Variants in SLC10A7 observed in about 807,000 individuals in gnomAD.
SLC10A7 encodes the protein sodium/bile acid cotransporter 7.
A neutral mutation model predicts 43.2 loss-of-function variants in SLC10A7; 29 were observed. The observed-to-expected ratio is 0.67, with a 90% CI of 0.50 to 0.92. The LOEUF (loss-of-function observed/expected upper bound fraction) is 0.92. Ranked by LOEUF, SLC10A7 falls within the 40% of genes least tolerant of loss-of-function variation. The probability of loss-of-function intolerance (pLI) is 0.00; values close to 1 mark genes in which losing one functional copy is unlikely to be tolerated. For synonymous variants in SLC10A7, 152 were observed against 144.8 expected, an observed-to-expected ratio of 1.05 and a Z score of -0.35; for missense variants, 295 against 403.2, an observed-to-expected ratio of 0.73 and a Z score of 2.30.
At chr4:146,472,790 C>T (rs1265728807) in intron 4 of SLC10A7, among the ~76,000 whole-genome samples, 1 of 152,186 alleles carries the variant, frequency 6.6e-6, no homozygotes, top group Non-Finnish European at 1.5e-5. Context: ...GTTTAATGTA[C>T]CCAATGCATT....
intron 5 of SLC10A7, among the ~76,000 whole-genome samples, chr4:146,402,293 G>C (rs1739277802): frequency 6.6e-6 from 1 of 152,158 alleles, no homozygotes; most frequent in Admixed American, 6.5e-5. Flanking sequence ...CAGCACCACA[G>C]GATGTATGCT....
At chr4:146,338,335 T>A (rs10013722) in intron 5 of SLC10A7, among the ~76,000 whole-genome samples, 2 of 151,814 alleles carry the variant, frequency 1.3e-5, no homozygotes, top group Non-Finnish European at 2.9e-5. Flanking sequence ...CATTTGGTCC[T>A]CACAACAAAC....
At chr4:146,312,298 G>A (rs1030235876) in intron 6 of SLC10A7, among the ~76,000 whole-genome samples, 3 of 151,678 alleles carry the variant, frequency 2.0e-5, no homozygotes, top group Admixed American at 2.0e-4. Flanking sequence ...GTTTTATTGA[G>A]GTATAATTGA....
chr4:146,385,845 T>C (rs1737954633), intron 5 of SLC10A7, among the ~76,000 whole-genome samples: 1 of 152,198 alleles, frequency 6.6e-6, no homozygotes, highest in African/African-American at 2.4e-5. Context: ...AGTGAGAACA[T>C]GCAGTATTTG....
At position 146,275,780 on chromosome 4, in the gene SLC10A7, GT is replaced by G. The variant is rs773001811; in HGVS notation, c.847+7411del. 7.8e-3 allele frequency among the ~76,000 whole-genome samples: 1,113 copies of G among 142,802 alleles called. 4 individuals carry two copies. The highest frequency in any genetic ancestry group is 0.016 in the African/African-American group (615 of 39,304). The allele number at this position is 142,802 out of a possible 152,430, so 93.7% of individuals were successfully genotyped here. On this transcript the variant is annotated intron_variant, in intron 10 of 11. Coordinates refer to ENST00000335472, the MANE Select transcript of SLC10A7 (RefSeq NM_001029998.6). ...AAAGTAAGTTGTTGCCCCCATAGAA[GT>G]TTTTTTTTTTTTTTAAACTCAACAT...
At chr4:146,415,789 A>T (rs1028050376) in intron 5 of SLC10A7, among the ~76,000 whole-genome samples, 1 of 152,170 alleles carries the variant, frequency 6.6e-6, no homozygotes, top group Admixed American at 6.5e-5. Flanking sequence ...AAGTATATTA[A>T]AAATATCTAC....
chr4:146,342,602 A>T (rs932658110), intron 5 of SLC10A7, among the ~76,000 whole-genome samples: 1 of 151,846 alleles, frequency 6.6e-6, no homozygotes, highest in Admixed American at 6.6e-5. Flanking sequence ...ATTAAAATTT[A>T]CAATCATCAT....
chr4:146,416,091 A>G (rs1728543378), intron 5 of SLC10A7, among the ~76,000 whole-genome samples: 2 of 152,164 alleles, frequency 1.3e-5, no homozygotes, highest in Non-Finnish European at 2.9e-5. Context: ...TCTGGCATGG[A>G]GCAGACACTT....
chr4:146,352,440 G>C (rs1224723474), intron 5 of SLC10A7, among the ~76,000 whole-genome samples: 1 of 128,304 alleles, frequency 7.8e-6, no homozygotes, highest in East Asian at 2.3e-4. Context: ...AATAATGGGA[G>C]ACTTTAACAC....
chr4:146,325,369 T>A, intron 6 of SLC10A7, among the ~76,000 whole-genome samples: 1 of 152,228 alleles, frequency 6.6e-6, no homozygotes, highest in East Asian at 1.9e-4. Context: ...AGACAGCTAA[T>A]TAGCATTTCT....
At chr4:146,511,969 C>CTTTTTTTT (rs765683134) in intron 2 of SLC10A7, among the ~76,000 whole-genome samples, 2 of 98,846 alleles carry the variant, frequency 2.0e-5, no homozygotes, top group Admixed American at 1.4e-4. Flanking sequence ...TGCATATACT[C>CTTTTTTTT]TTTTTTTTTT....
At chr4:146,464,068 T>C (rs780820162) in intron 4 of SLC10A7, among the ~76,000 whole-genome samples, 4 of 151,914 alleles carry the variant, frequency 2.6e-5, no homozygotes, top group Non-Finnish European at 5.9e-5. Flanking sequence ...CAAGCAGTCC[T>C]TCCGCCTTGG....
intron 4 of SLC10A7, among the ~76,000 whole-genome samples, chr4:146,467,562 CTTTTT>C (rs397995707): frequency 8.6e-5 from 8 of 92,832 alleles, no homozygotes; most frequent in Non-Finnish European, 1.4e-4. Flanking sequence ...TTCTTTCTCT[CTTTTT>C]TTTTTTTTTT....
chr4:146,305,162 C>G (rs1731463700), intron 7 of SLC10A7, among the ~76,000 whole-genome samples: 1 of 150,494 alleles, frequency 6.6e-6, no homozygotes, highest in Non-Finnish European at 1.5e-5. Flanking sequence ...ATAGCAAAGA[C>G]TTGGAACCAA....
chr4:146,474,063 T>C (rs1733823239), intron 4 of SLC10A7, among the ~76,000 whole-genome samples: 1 of 151,474 alleles, frequency 6.6e-6, no homozygotes, highest in East Asian at 1.9e-4. Flanking sequence ...TTATATAAAG[T>C]AAATATCCTC....
chr4:146,331,844 C>A (rs1426030926), intron 5 of SLC10A7, among the ~76,000 whole-genome samples: 1 of 151,958 alleles, frequency 6.6e-6, no homozygotes, highest in Admixed American at 6.6e-5. Flanking sequence ...GATGTCAAAC[C>A]AATATTTAAT....
intron 5 of SLC10A7, among the ~76,000 whole-genome samples, chr4:146,366,195 A>G (rs1736379220): frequency 6.6e-6 from 1 of 152,196 alleles, no homozygotes; most frequent in South Asian, 2.1e-4. Flanking sequence ...GTCAGATAAT[A>G]CAGTTTTACA....
intron 3 of SLC10A7, among the ~76,000 whole-genome samples, chr4:146,505,611 G>T (rs1483163811): frequency 6.6e-6 from 1 of 152,130 alleles, no homozygotes; most frequent in African/African-American, 2.4e-5. Context: ...CTCTGAAATA[G>T]GAAAAAAATG....
At chr4:146,306,652 TCA>T (rs374130886) in intron 6 of SLC10A7, among the ~76,000 whole-genome samples, 1 of 152,174 alleles carries the variant, frequency 6.6e-6, no homozygotes, top group East Asian at 1.9e-4. Context: ...AATTACAATC[TCA>T]GTTTCATTAA....
Sources: allele counts gnomAD v4.1 joint callset (sites outside exome capture counted in the v4.1 genomes callset), GRCh38; gene constraint gnomAD v4.1.1; transcripts MANE v1.5; gene names NCBI Gene and HGNC (gene_info 2026-07-23, HGNC 2026-07-21).